MMP20: variants seen among roughly 807,000 people sequenced by gnomAD.
The protein encoded by MMP20 is matrix metallopeptidase 20, also known as matrix metalloproteinase-20.
MMP20 carries 50 observed loss-of-function variants against 51.8 expected under a neutral mutation model. That is an observed-to-expected ratio of 0.97 (90% confidence interval 0.77 to 1.22). MMP20 has a LOEUF of 1.22. MMP20 is among the 50% of genes most tolerant of loss of function. The pLI is 0.00. For synonymous variants in MMP20, 244 were observed against 216.2 expected (o/e 1.13, Z -1.13); for missense variants, 663 against 601.4 (o/e 1.10, Z -1.07).
chr11:102,577,359 A>G lies in MMP20; in HGVS notation c.1419T>C (p.Ser473=), dbSNP rs1859137792. 1.2e-6 allele frequency: 2 copies of G among 1,613,876 alleles called. No homozygotes were observed. The highest frequency in any genetic ancestry group is 2.2e-5 in the East Asian group (1 of 44,882). ...KYDTEKEDVV[S]VVKSSSWIGC is the part of the protein sequence containing the mutation. ...CAATCCAGGAACTAGATTTCACCAC[A>G]CTAACCACATCTTCCTTCTCTGTGT... Residue 473 remains serine (S), a synonymous_variant, in exon 10 of 10, where the codon AGT becomes AGC. Coordinates refer to ENST00000260228, the MANE Select transcript of MMP20 (RefSeq NM_004771.4).
At chr11:102,624,401 CATATATAT>C (rs58212685) in intron 1 of MMP20, among the ~76,000 whole-genome samples, 82 of 140,200 alleles carry the variant, frequency 5.8e-4, no homozygotes, top group African/African-American at 1.5e-3. Flanking sequence ...CGCTTGGAAG[CATATATAT>C]ATATATATAT....
At chr11:102,587,602 T>G (rs1342614019) in intron 8 of MMP20, among the ~76,000 whole-genome samples, 1 of 152,212 alleles carries the variant, frequency 6.6e-6, no homozygotes, top group Non-Finnish European at 1.5e-5. Flanking sequence ...TTCTGTCAAT[T>G]ACTGCTTCAT....
At chr11:102,619,331 C>G (rs920162835) in intron 1 of MMP20, among the ~76,000 whole-genome samples, 1 of 152,150 alleles carries the variant, frequency 6.6e-6, no homozygotes, top group African/African-American at 2.4e-5. Flanking sequence ...GTATTACACT[C>G]TACATTCTAG....
At chr11:102,584,420 A>G (rs1292612249) in intron 8 of MMP20, among the ~76,000 whole-genome samples, 1 of 152,110 alleles carries the variant, frequency 6.6e-6, no homozygotes, top group African/African-American at 2.4e-5. Flanking sequence ...GGCCATTTGT[A>G]TATCTTTGTT....
In MMP20 at chr11:102,579,024, A is replaced by G; in HGVS notation, c.1351+15T>C. On this transcript the variant is annotated intron_variant, in intron 9 of 9. Transcript: ENST00000260228. ...GATAGTTTTCATGAAGAAAGTTTTCAGTGGAAACACTTACCATTTAATTCT... is the reference window on the plus strand; with the variant it reads ...GATAGTTTTCATGAAGAAAGTTTTCGGTGGAAACACTTACCATTTAATTCT... 3 of 1,569,328 alleles carry G rather than the reference A, an allele frequency of 1.9e-6. No homozygotes were observed. Among genetic ancestry groups the G allele is most frequent in the Non-Finnish European group, 2.6e-6 (3 of 1,139,222 alleles).
chr11:102,615,679 C>T (rs116053988), intron 2 of MMP20, among the ~76,000 whole-genome samples: 2,841 of 152,304 alleles, frequency 0.019, 84 homozygotes, highest in African/African-American at 0.063. Context: ...GCCCTTCCTG[C>T]ACCCTCTGCT....
intron 6 of MMP20, among the ~76,000 whole-genome samples, chr11:102,599,703 A>T (rs1001357878): frequency 1.3e-5 from 2 of 152,230 alleles, no homozygotes; most frequent in Non-Finnish European, 2.9e-5. Context: ...GAAACTTTGA[A>T]GTACAAACTG....
intron 8 of MMP20, among the ~76,000 whole-genome samples, chr11:102,588,868 T>A (rs1416703255): frequency 6.6e-6 from 1 of 152,214 alleles, no homozygotes; most frequent in Non-Finnish European, 1.5e-5. Context: ...GATATAAGAT[T>A]CTTGGTTGAG....
chr11:102,578,657 A>T (rs1413934656), intron 9 of MMP20, among the ~76,000 whole-genome samples: 1 of 152,202 alleles, frequency 6.6e-6, no homozygotes, highest in African/African-American at 2.4e-5. Context: ...AATCGCTCGA[A>T]TCTGGGAGGC....
intron 7 of MMP20, 134 bp downstream of exon 7, chr11:102,594,487 T>C (rs1263023464): frequency 8.5e-7 from 1 of 1,180,642 alleles, no homozygotes; most frequent in Non-Finnish European, 1.2e-6. Flanking sequence ...TGGCATTTCA[T>C]ACCCAACCTG....
At chr11:102,595,085 C>T (rs1859366343) in intron 6 of MMP20, among the ~76,000 whole-genome samples, 1 of 152,030 alleles carries the variant, frequency 6.6e-6, no homozygotes, top group Non-Finnish European at 1.5e-5. Context: ...CCATGCCTCA[C>T]TAATTTTTGT....
chr11:102,600,811 T>G (rs531332181), intron 6 of MMP20, among the ~76,000 whole-genome samples: 10 of 152,262 alleles, frequency 6.6e-5, no homozygotes, highest in African/African-American at 2.4e-4. Flanking sequence ...CCCCTTTCCA[T>G]GATCTGGCTT....
At chr11:102,582,705 A>G (rs1337638574) in intron 8 of MMP20, among the ~76,000 whole-genome samples, 4 of 152,206 alleles carry the variant, frequency 2.6e-5, no homozygotes, top group African/African-American at 4.8e-5. Flanking sequence ...AACATAGAAA[A>G]ATATGTATCC....
chr11:102,597,666 C>A lies in MMP20; in HGVS notation c.954-2909G>T, dbSNP rs118182346. Among the ~76,000 whole-genome samples, 684 of 152,240 alleles carry A rather than the reference C, an allele frequency of 4.5e-3. 5 individuals are homozygous for A. The highest frequency in any genetic ancestry group is 0.031 in the Middle Eastern group (9 of 294). On this transcript the variant is annotated intron_variant, in intron 6 of 9. Transcript: ENST00000260228. ...TACCAGTAGTGTCAATGTTAAGAAA[C>A]CCTGCTTTAAACACCACTATGATGT...
chr11:102,612,324 G>T (rs1044144529), intron 2 of MMP20, among the ~76,000 whole-genome samples: 5 of 152,154 alleles, frequency 3.3e-5, no homozygotes, highest in Admixed American at 6.5e-5. Context: ...AATTAGCTGG[G>T]CGTGGTGGTG....
chr11:102,603,581 G>A (rs1859475569), intron 6 of MMP20, among the ~76,000 whole-genome samples: 1 of 152,122 alleles, frequency 6.6e-6, no homozygotes, highest in African/African-American at 2.4e-5. Context: ...ATAATATAGT[G>A]CTTTGCATAA....
intron 6 of MMP20, among the ~76,000 whole-genome samples, chr11:102,599,762 G>T (rs1363961172): frequency 6.6e-6 from 1 of 152,156 alleles, no homozygotes; most frequent in Admixed American, 6.5e-5. Context: ...TCATTAACCA[G>T]GGCTGCTTAG....
chr11:102,602,116 A>ATTTTTT (rs10593493), intron 6 of MMP20, among the ~76,000 whole-genome samples: 19 of 109,652 alleles, frequency 1.7e-4, no homozygotes, highest in African/African-American at 4.5e-4. Context: ...CGCCCGGCTA[A>ATTTTTT]TTTTTTTTTT....
At chr11:102,586,068 G>C (rs941848806) in intron 8 of MMP20, among the ~76,000 whole-genome samples, 2 of 151,952 alleles carry the variant, frequency 1.3e-5, no homozygotes, top group Non-Finnish European at 2.9e-5. Flanking sequence ...TTATTTTTTT[G>C]TCATGTTTCT....
Sources: gnomAD v4.1 joint callset for allele counts (sites outside exome capture counted in the v4.1 genomes callset) on GRCh38, gnomAD v4.1.1 for gene constraint, MANE v1.5 for transcripts, NCBI Gene and HGNC (gene_info 2026-07-23, HGNC 2026-07-21) for gene names.